CNTNAP2: variants seen among roughly 807,000 people sequenced by gnomAD.
The protein encoded by CNTNAP2 is contactin associated protein 2, also known as contactin-associated protein-like 2.
Under a neutral mutation model 155.2 loss-of-function variants are expected in CNTNAP2, and 98 were observed. The ratio of observed to expected loss-of-function variants is 0.63; its 90% confidence interval spans 0.54 to 0.75. The LOEUF is 0.75. Ranked by LOEUF, CNTNAP2 falls within the 30% of genes least tolerant of loss-of-function variation. The pLI is 0.00. For synonymous variants in CNTNAP2, 651 were observed against 631.2 expected (o/e 1.03, Z -0.47); for missense variants, 1,727 against 1,688.1 (o/e 1.02, Z -0.40).
chr7:146,717,850 A>T (rs755083026), intron 1 of CNTNAP2, among the ~76,000 whole-genome samples: 2 of 151,646 alleles, frequency 1.3e-5, no homozygotes, highest in African/African-American at 4.8e-5. Context: ...CATTATCCCT[A>T]CCTTACAGAT....
At chr7:147,136,387 G>C (rs78637660) in intron 8 of CNTNAP2, among the ~76,000 whole-genome samples, 6,853 of 152,014 alleles carry the variant, frequency 0.045, 195 homozygotes, top group African/African-American at 0.08. Flanking sequence ...TGTCCACACT[G>C]TCTCAGAAAT....
At chr7:147,871,353 A>G (rs1169426995) in intron 13 of CNTNAP2, among the ~76,000 whole-genome samples, 2 of 152,182 alleles carry the variant, frequency 1.3e-5, no homozygotes, top group South Asian at 4.1e-4. Flanking sequence ...CTTCTCCTCC[A>G]TGGCCCCCTG....
chr7:146,930,368 C>G (rs1659639308), intron 3 of CNTNAP2, among the ~76,000 whole-genome samples: 1 of 152,014 alleles, frequency 6.6e-6, no homozygotes, highest in Non-Finnish European at 1.5e-5. Context: ...AAATAAAATC[C>G]TTTACAGACA....
In CNTNAP2 at chr7:148,420,329, C is replaced by G. The variant is rs1212217498; in HGVS notation, c.*4713C>G. The G allele has an allele frequency of 6.6e-6, 1 of 152,142 alleles. No individual in the cohort carries two copies. The highest frequency in any genetic ancestry group is 1.5e-5 in the Non-Finnish European group (1 of 68,022). 9.4% of individuals were successfully genotyped at this position (152,142 alleles called of 1,614,324 possible). A position where few individuals can be genotyped will look rare whatever the true frequency, so the allele number is the denominator to read the frequency against. On this transcript the variant is annotated 3_prime_UTR_variant, in exon 24 of 24. Transcript: ENST00000361727. ...AGCCTAGTGGCTATATGCCTATTCT[C>G]CATGTACCCTGCATGGTAGTGCTGC...
At chr7:147,795,291 C>G (rs1435084529) in intron 13 of CNTNAP2, among the ~76,000 whole-genome samples, 1 of 151,944 alleles carries the variant, frequency 6.6e-6, no homozygotes, top group Non-Finnish European at 1.5e-5. Context: ...TTTATCCAGT[C>G]TCACAATTTC....
intron 15 of CNTNAP2, among the ~76,000 whole-genome samples, chr7:148,034,297 T>C (rs377050119): frequency 6.6e-6 from 1 of 152,194 alleles, no homozygotes; most frequent in South Asian, 2.1e-4. Flanking sequence ...ATCAGGGCTA[T>C]GGTTTAATTG....
At chr7:147,450,343 A>G (rs1236273649) in intron 10 of CNTNAP2, among the ~76,000 whole-genome samples, 1 of 152,204 alleles carries the variant, frequency 6.6e-6, no homozygotes, top group Non-Finnish European at 1.5e-5. Context: ...CATTATCCTC[A>G]TGCTACAGCA....
At chr7:146,684,127 C>A (rs1166344077) in intron 1 of CNTNAP2, among the ~76,000 whole-genome samples, 3 of 152,128 alleles carry the variant, frequency 2.0e-5, no homozygotes, top group African/African-American at 7.2e-5. Context: ...TGATCCATTG[C>A]TTTTGAGCTG....
intron 13 of CNTNAP2, among the ~76,000 whole-genome samples, chr7:147,642,544 C>T (rs952626694): frequency 1.3e-5 from 2 of 151,994 alleles, no homozygotes; most frequent in Non-Finnish European, 2.9e-5. Flanking sequence ...CTTTACAAAA[C>T]ATAAAATGTA....
At chr7:148,152,487 G>A (rs1805314812) in intron 17 of CNTNAP2, among the ~76,000 whole-genome samples, 1 of 152,066 alleles carries the variant, frequency 6.6e-6, no homozygotes, top group Admixed American at 6.5e-5. Context: ...CCAATCTTAA[G>A]TTCTACAATA....
chr7:146,575,668 A>C lies in CNTNAP2; in HGVS notation c.98-198603A>C, dbSNP rs375865782. Among the ~76,000 whole-genome samples, 39 of 152,320 alleles carry C rather than the reference A, an allele frequency of 2.6e-4. No individual in the cohort carries two copies. The South Asian group carries it at 7.0e-3, about 27-fold the overall frequency. On this transcript the variant is annotated intron_variant, in intron 1 of 23. Transcript: ENST00000361727. ...GAAAAGGCCAGATTGCCAACTTTTA[A>C]AACTGAAATATGTTGTCAGTGGGAA...
intron 9 of CNTNAP2, among the ~76,000 whole-genome samples, chr7:147,314,550 T>C (rs928882162): frequency 6.6e-6 from 1 of 151,108 alleles, no homozygotes; most frequent in Non-Finnish European, 1.5e-5. Flanking sequence ...TAGATCAGTA[T>C]GCAAATATAA....
chr7:146,612,781 T>C (rs533163171), intron 1 of CNTNAP2, among the ~76,000 whole-genome samples: 1 of 152,200 alleles, frequency 6.6e-6, no homozygotes, highest in Non-Finnish European at 1.5e-5. Context: ...CTCATTACTT[T>C]GGCCTTTCCT....
At chr7:147,291,867 A>G (rs1361179078) in intron 8 of CNTNAP2, among the ~76,000 whole-genome samples, 1 of 152,162 alleles carries the variant, frequency 6.6e-6, no homozygotes, top group Non-Finnish European at 1.5e-5. Flanking sequence ...GATGACTAAT[A>G]ATATAAAGCA....
intron 17 of CNTNAP2, among the ~76,000 whole-genome samples, chr7:148,153,047 A>T (rs35011810): frequency 1.9e-4 from 28 of 148,124 alleles, no homozygotes; most frequent in African/African-American, 6.9e-4. Flanking sequence ...AAAAAAAAAA[A>T]GCTAAACTCT....
At chr7:147,580,907 C>A (rs753208382) in intron 12 of CNTNAP2, among the ~76,000 whole-genome samples, 1 of 152,172 alleles carries the variant, frequency 6.6e-6, no homozygotes. Flanking sequence ...TGAGCCAGTG[C>A]GCTCAGCCCA....
chr7:147,532,017 C>T (rs1799443254), intron 11 of CNTNAP2, among the ~76,000 whole-genome samples: 2 of 151,982 alleles, frequency 1.3e-5, no homozygotes, highest in South Asian at 4.2e-4. Context: ...CCATGTTAGC[C>T]AGGATGGTCT....
At chr7:146,219,541 G>A (rs571440983) in intron 1 of CNTNAP2, among the ~76,000 whole-genome samples, 7 of 152,068 alleles carry the variant, frequency 4.6e-5, no homozygotes, top group Non-Finnish European at 1.0e-4. Context: ...AATATAAATA[G>A]ACGAACAGCA....
intron 1 of CNTNAP2, among the ~76,000 whole-genome samples, chr7:146,227,298 A>G (rs1261728566): frequency 6.6e-6 from 1 of 151,894 alleles, no homozygotes; most frequent in African/African-American, 2.4e-5. Context: ...GGTGGCATGC[A>G]TCTGTAGTCC....
Sources: allele counts gnomAD v4.1 joint callset (sites outside exome capture counted in the v4.1 genomes callset), GRCh38; gene constraint gnomAD v4.1.1; transcripts MANE v1.5; gene names NCBI Gene and HGNC (gene_info 2026-07-23, HGNC 2026-07-21).